Variants in C1orf159 observed in about 807,000 individuals in gnomAD.
The protein encoded by C1orf159 is uncharacterized protein C1orf159.
Under a neutral mutation model 25.6 loss-of-function variants are expected in C1orf159, and 19 were observed. The observed-to-expected ratio is 0.74, with a 90% CI of 0.52 to 1.09. C1orf159 has a LOEUF of 1.09. Among genes scored for constraint, C1orf159 ranks in the 50% least tolerant of loss-of-function variants. The probability of loss-of-function intolerance (pLI) is 0.00; values close to 1 mark genes in which losing one functional copy is unlikely to be tolerated. For missense variants in C1orf159, 274 were observed against 290.6 expected (o/e 0.94, Z 0.42); for synonymous variants, 139 against 124.7 (o/e 1.12, Z -0.77).
intron 4 of C1orf159, 107 bp downstream of exon 4, chr1:1,090,246 G>C: frequency 8.7e-7 from 1 of 1,153,068 alleles, no homozygotes; most frequent in South Asian, 1.4e-5. Flanking sequence ...CCCAGGTCCC[G>C]CAGCACAGAT....
chr1:1,114,020 G>C (rs768532144), intron 1 of C1orf159, among the ~76,000 whole-genome samples: 1 of 150,408 alleles, frequency 6.6e-6, no homozygotes, highest in Non-Finnish European at 1.5e-5. Flanking sequence ...GAGTTCAAGC[G>C]ATTCTCCTGC....
chr1:1,113,145 G>A (rs775301799), intron 1 of C1orf159, among the ~76,000 whole-genome samples: 6 of 151,012 alleles, frequency 4.0e-5, no homozygotes, highest in African/African-American at 1.2e-4. Context: ...GCAGTGAGCC[G>A]AGATTGTGCC....
At chr1:1,084,264 C>T (rs551606812) in intron 9 of C1orf159, 89 bp downstream of exon 9, 115 of 1,519,700 alleles carry the variant, frequency 7.6e-5, no homozygotes, top group Non-Finnish European at 3.6e-5. Context: ...CAGAGCCAGG[C>T]AAACCCGTTT....
chr1:1,087,519 C>A lies in C1orf159; in HGVS notation c.227G>T (p.Gly76Val), dbSNP rs1291183019. 16 of 1,549,408 alleles carry A rather than the reference C, an allele frequency of 1.0e-5. No individual in the cohort carries two copies. The highest frequency in any genetic ancestry group is 1.4e-5 in the Non-Finnish European group (16 of 1,146,448). ...AGACCTACAGCTTCTACACTCGGAG[C>A]CGTTGTAGGCTGGGAGGGTTCCGTT... Reference protein sequence around the residue: ...CGNGTLPAYNGSECRSFAGPG... With the variant: ...CGNGTLPAYNVSECRSFAGPG... Residue 76 changes from glycine to valine, a missense_variant, in exon 5 of 10, where the codon GGC becomes GTC. By Grantham distance (109) the Gly-to-Val change is moderately radical. Coordinates refer to ENST00000421241, the MANE Select transcript of C1orf159 (RefSeq NM_017891.5). This position sits in a 1 kb window ranked among gnomAD's most constrained non-coding sequence, Gnocchi z 8.3.
intron 1 of C1orf159, among the ~76,000 whole-genome samples, chr1:1,114,174 G>A (rs758036100): frequency 2.0e-5 from 3 of 151,622 alleles, no homozygotes; most frequent in Non-Finnish European, 2.9e-5. Flanking sequence ...CTCCCCCCAC[G>A]GCCTTGCAAA....
intron 6 of C1orf159, among the ~76,000 whole-genome samples, chr1:1,086,490 G>A (rs1035621543): frequency 1.3e-5 from 2 of 152,242 alleles, no homozygotes; most frequent in Non-Finnish European, 2.9e-5. Context: ...AGGGCTGCTG[G>A]CCTGGGGCTC....
At position 1,082,599 on chromosome 1, in the gene C1orf159, C is replaced by T; in HGVS notation, c.*294G>A. 1 of 449,650 alleles carries T rather than the reference C, an allele frequency of 2.2e-6. No individual in the cohort carries two copies. The highest frequency in any genetic ancestry group is 4.1e-6 in the Non-Finnish European group (1 of 245,710). The allele number at this position is 449,650 out of a possible 1,614,324, so 27.9% of individuals were successfully genotyped here. A position where few individuals can be genotyped will look rare whatever the true frequency, so the allele number is the denominator to read the frequency against. On this transcript the variant is annotated 3_prime_UTR_variant, in exon 10 of 10. Transcript: ENST00000421241. ...CAGCTTTGGCTGCAGGCGCTGGGGC[C>T]TCACCGTGTTTCCTGGGGGGGCCCG...
chr1:1,093,626 G>T (rs936102499), intron 1 of C1orf159, among the ~76,000 whole-genome samples: 2 of 152,222 alleles, frequency 1.3e-5, no homozygotes, highest in Non-Finnish European at 2.9e-5. Context: ...TGTTTTATCC[G>T]CACTTTCTTC....
chr1:1,108,068 C>A lies in C1orf159; in HGVS notation c.-136+7992G>T, dbSNP rs527733782. ...ACATTAGCAGCACCATTCACCACAG[C>A]CACCATGTCTCGGCAGCACCATTCA... On this transcript the variant is annotated intron_variant, in intron 1 of 9. Coordinates refer to ENST00000421241, the MANE Select transcript of C1orf159 (RefSeq NM_017891.5). Among the ~76,000 whole-genome samples the A allele has an allele frequency of 4.3e-4, 65 of 152,264 alleles. No homozygotes were observed. The East Asian group carries it at 0.012, about 28-fold the overall frequency.
intron 1 of C1orf159, among the ~76,000 whole-genome samples, chr1:1,104,142 C>T (rs928455558): frequency 6.6e-6 from 1 of 152,094 alleles, no homozygotes; most frequent in East Asian, 1.9e-4. Flanking sequence ...CACCTGCCAC[C>T]ACACCTGGCT....
In C1orf159 at chr1:1,110,313, T is replaced by C. The variant is rs1166722060; in HGVS notation, c.-136+5747A>G. Among the ~76,000 whole-genome samples the C allele has an allele frequency of 1.3e-5, 2 of 152,202 alleles. No homozygotes were observed. Among genetic ancestry groups the C allele is most frequent in the African/African-American group, 4.8e-5 (2 of 41,452 alleles). ...TCCCCTTGACCAAGAGGGAGCTCGT[T>C]CAGTCGGCGGGGGACTTAGGATTTT... On this transcript the variant is annotated intron_variant, in intron 1 of 9. Coordinates refer to ENST00000421241, the MANE Select transcript of C1orf159 (RefSeq NM_017891.5). This position sits in a 1 kb window ranked among gnomAD's most constrained non-coding sequence, Gnocchi z 4.8.
intron 1 of C1orf159, among the ~76,000 whole-genome samples, chr1:1,107,189 G>A (rs967119100): frequency 6.6e-5 from 10 of 152,284 alleles, no homozygotes; most frequent in African/African-American, 2.2e-4. Context: ...CTGCGGCCAG[G>A]CGCTGGGTCC....
intron 3 of C1orf159, 27 bp from the exon 4 acceptor site, chr1:1,090,455 C>T (rs1374151313): frequency 2.6e-6 from 4 of 1,549,310 alleles, no homozygotes; most frequent in Admixed American, 2.0e-5. Flanking sequence ...AGTGAAACTC[C>T]AGGACGCGCC....
At chr1:1,097,804 T>C (rs1646030413) in intron 1 of C1orf159, among the ~76,000 whole-genome samples, 1 of 152,038 alleles carries the variant, frequency 6.6e-6, no homozygotes, top group Admixed American at 6.6e-5. Context: ...AAAATCAGCT[T>C]TTGATATTGT....
chr1:1,086,045 G>A, intron 6 of C1orf159, 33 bp from the exon 7 acceptor site: 1 of 1,609,064 alleles, frequency 6.2e-7, no homozygotes, highest in Non-Finnish European at 8.5e-7. Flanking sequence ...AGACGGGCAG[G>A]ACGGTGGCCC....
Position 1,082,812 on chromosome 1 carries a change from A to C in C1orf159, c.*81T>G. On this transcript the variant is annotated 3_prime_UTR_variant, in exon 10 of 10. Coordinates refer to ENST00000421241, the MANE Select transcript of C1orf159 (RefSeq NM_017891.5). ...ACTGTCCCGGGCGCCGGGCGATGCCAACACTTTGTGCTGGTTCCCGCCAAG... is the reference window on the plus strand; with the variant it reads ...ACTGTCCCGGGCGCCGGGCGATGCCCACACTTTGTGCTGGTTCCCGCCAAG... The C allele has an allele frequency of 2.3e-6, 3 of 1,316,196 alleles. No individual in the cohort carries two copies. Among genetic ancestry groups the C allele is most frequent in the Non-Finnish European group, 3.2e-6 (3 of 934,114 alleles). The allele number at this position is 1,316,196 out of a possible 1,614,324, so 81.5% of individuals were successfully genotyped here. A position where few individuals can be genotyped will look rare whatever the true frequency, so the allele number is the denominator to read the frequency against.
At chr1:1,084,991 G>A (rs1018634948) in intron 7 of C1orf159, among the ~76,000 whole-genome samples, 3 of 152,140 alleles carry the variant, frequency 2.0e-5, no homozygotes, top group South Asian at 2.1e-4. Context: ...TTCTCGTCCC[G>A]TGGCCACCAG....
At chr1:1,103,738 T>TG (rs1646134706) in intron 1 of C1orf159, among the ~76,000 whole-genome samples, 1 of 152,130 alleles carries the variant, frequency 6.6e-6, no homozygotes, top group Admixed American at 6.6e-5. Context: ...TTTTTGCTTG[T>TG]TTGTTTTCTG....
intron 9 of C1orf159, 77 bp from the exon 10 acceptor site, chr1:1,083,064 G>A (rs1645771091): frequency 7.8e-7 from 1 of 1,280,930 alleles, no homozygotes; most frequent in Non-Finnish European, 1.1e-6. Flanking sequence ...GCCCTCACCG[G>A]AGGCTCTCGG....
Sources: gnomAD v4.1 joint callset for allele counts (sites outside exome capture counted in the v4.1 genomes callset) on GRCh38, gnomAD v4.1.1 for gene constraint, Gnocchi (gnomAD v3.1) non-coding constraint, MANE v1.5 for transcripts, NCBI Gene and HGNC (gene_info 2026-07-23, HGNC 2026-07-21) for gene names.